The following GARNL3 variants were observed in gnomAD, a reference collection of about 807,000 sequenced individuals.
GARNL3 encodes GTPase-activating Rap/Ran-GAP domain-like protein 3.
A neutral mutation model predicts 125.0 loss-of-function variants in GARNL3; 63 were observed. The observed-to-expected ratio is 0.50, with a 90% CI of 0.41 to 0.62. GARNL3 has a LOEUF of 0.62. GARNL3 is among the 20% of genes least tolerant of loss of function. The pLI is 0.00. For synonymous variants in GARNL3, 439 were observed against 457.5 expected (o/e 0.96, Z 0.52); for missense variants, 994 against 1,244.0 (o/e 0.80, Z 3.02).
Position 127,266,142 on chromosome 9 carries a change from C to T in GARNL3, c.144+1121C>T, listed in dbSNP as rs781174981. Among the ~76,000 whole-genome samples the T allele has an allele frequency of 9.2e-5, 14 of 152,216 alleles. No homozygotes were observed. The highest frequency in any genetic ancestry group is 1.4e-4 in the African/African-American group (6 of 41,454). ...TGACACCACACCACTTAGACCACCA[C>T]CTCCCCTGAAGGAGCAGGTGCATAG... is the stretch of plus-strand genomic sequence containing the variant. On this transcript the variant is annotated intron_variant, in intron 1 of 27. Transcript: ENST00000373387. This position sits in a 1 kb window ranked among gnomAD's most constrained non-coding sequence, Gnocchi z 4.0.
intron 10 of GARNL3, among the ~76,000 whole-genome samples, chr9:127,335,849 G>A (rs1829523303): frequency 6.6e-6 from 1 of 152,092 alleles, no homozygotes; most frequent in Non-Finnish European, 1.5e-5. Context: ...AGTTAACACT[G>A]AGTATCTACA....
At chr9:127,299,502 C>T (rs980923674) in intron 2 of GARNL3, among the ~76,000 whole-genome samples, 5 of 152,134 alleles carry the variant, frequency 3.3e-5, no homozygotes, top group Admixed American at 2.6e-4. Flanking sequence ...CAGGTTCAAG[C>T]GATTCTCCCA....
intron 1 of GARNL3, among the ~76,000 whole-genome samples, chr9:127,234,250 C>T (rs1054656993): frequency 6.6e-6 from 1 of 152,158 alleles, no homozygotes; most frequent in Non-Finnish European, 1.5e-5. Flanking sequence ...AAACCAGCTT[C>T]CTTTCTTGGA....
chr9:127,246,756 G>A (rs767055665), intron 2 of GARNL3, among the ~76,000 whole-genome samples: 23 of 152,026 alleles, frequency 1.5e-4, no homozygotes, highest in Non-Finnish European at 2.9e-4. Flanking sequence ...GCAGTGAGCC[G>A]AGATTGCATC....
chr9:127,311,331 G>C (rs2065092013), intron 2 of GARNL3, among the ~76,000 whole-genome samples: 1 of 152,046 alleles, frequency 6.6e-6, no homozygotes. Context: ...GTTCCTCTAG[G>C]GGGCACCAAC....
chr9:127,294,008 T>G (rs1179909069), intron 2 of GARNL3, among the ~76,000 whole-genome samples: 2 of 152,226 alleles, frequency 1.3e-5, no homozygotes, highest in African/African-American at 4.8e-5. Flanking sequence ...CCTTGTAGTT[T>G]TTGGTGGTGG....
intron 1 of GARNL3, among the ~76,000 whole-genome samples, chr9:127,282,482 C>T (rs2064130800): frequency 6.6e-6 from 1 of 152,054 alleles, no homozygotes; most frequent in Non-Finnish European, 1.5e-5. Flanking sequence ...CATAAGGAAA[C>T]TAAAATTTAG....
At chr9:127,321,005 G>A (rs987384447) in intron 6 of GARNL3, among the ~76,000 whole-genome samples, 15 of 152,166 alleles carry the variant, frequency 9.9e-5, no homozygotes, top group Admixed American at 3.9e-4. Flanking sequence ...ATTCTAATGC[G>A]TAGCCACTCC....
chr9:127,269,845 C>A (rs2063783255), intron 1 of GARNL3, among the ~76,000 whole-genome samples: 1 of 129,094 alleles, frequency 7.7e-6, no homozygotes, highest in African/African-American at 2.9e-5. Context: ...GGTTATTTGT[C>A]CCTTATCAGA....
intron 24 of GARNL3, 169 bp from the exon 25 acceptor site, chr9:127,387,024 G>C: frequency 1.7e-6 from 1 of 584,108 alleles, no homozygotes; most frequent in South Asian, 3.1e-5. Flanking sequence ...TAGCCACGCT[G>C]GGCTTTCCTC....
intron 1 of GARNL3, among the ~76,000 whole-genome samples, chr9:127,271,101 A>G (rs1389850362): frequency 6.7e-6 from 1 of 150,278 alleles, no homozygotes; most frequent in Non-Finnish European, 1.5e-5. Flanking sequence ...AGTCAGTTTC[A>G]AAGAAGGGCA....
chr9:127,241,207 A>G (rs1319010094), intron 1 of GARNL3, among the ~76,000 whole-genome samples: 1 of 151,156 alleles, frequency 6.6e-6, no homozygotes, highest in Non-Finnish European at 1.5e-5. Flanking sequence ...TGCTTCCTCC[A>G]CTCCCTCATC....
intron 14 of GARNL3, among the ~76,000 whole-genome samples, chr9:127,343,980 T>A (rs1243052908): frequency 6.6e-6 from 1 of 152,012 alleles, no homozygotes; most frequent in Non-Finnish European, 1.5e-5. Flanking sequence ...TAGTAAGTGA[T>A]ACAGCTGCAG....
intron 25 of GARNL3, chr9:127,388,607 T>G: frequency 2.4e-6 from 1 of 425,020 alleles, no homozygotes; most frequent in Non-Finnish European, 4.3e-6. Context: ...GCAGTTAAGA[T>G]AAAGCACAGA....
At chr9:127,348,529 A>G (rs1482859079) in intron 16 of GARNL3, among the ~76,000 whole-genome samples, 3 of 152,170 alleles carry the variant, frequency 2.0e-5, no homozygotes, top group Admixed American at 6.5e-5. Flanking sequence ...TGACTTTTTT[A>G]TAGAATTATG....
chr9:127,243,742 TAACTA>T (rs1265555354), intron 2 of GARNL3, among the ~76,000 whole-genome samples: 1 of 152,202 alleles, frequency 6.6e-6, no homozygotes, highest in Admixed American at 6.5e-5. Context: ...ATTTTAATAA[TAACTA>T]GAATAGAATT....
At chr9:127,258,394 C>CT (rs1370723410) in intron 2 of GARNL3, among the ~76,000 whole-genome samples, 25 of 152,252 alleles carry the variant, frequency 1.6e-4, no homozygotes, top group East Asian at 1.5e-3. Flanking sequence ...AATCCCAACA[C>CT]TTTGGGAGGC....
At chr9:127,274,431 A>T (rs1432067010) in intron 1 of GARNL3, among the ~76,000 whole-genome samples, 1 of 152,178 alleles carries the variant, frequency 6.6e-6, no homozygotes, top group Admixed American at 6.5e-5. Context: ...GATACCAGAC[A>T]TCAGCATGCT....
At chr9:127,241,340 T>G (rs1372311958) in intron 1 of GARNL3, among the ~76,000 whole-genome samples, 1 of 152,020 alleles carries the variant, frequency 6.6e-6, no homozygotes, top group Non-Finnish European at 1.5e-5. Context: ...AAGCCCTGAT[T>G]TGTTATTTAT....
Sources: allele counts gnomAD v4.1 joint callset (sites outside exome capture counted in the v4.1 genomes callset), GRCh38; gene constraint gnomAD v4.1.1; non-coding constraint Gnocchi (gnomAD v3.1); transcripts MANE v1.5; gene names NCBI Gene and HGNC (gene_info 2026-07-23, HGNC 2026-07-21).